Variants in LYST observed in about 807,000 individuals in gnomAD.
LYST encodes lysosomal-trafficking regulator.
LYST carries 192 observed loss-of-function variants against 413.6 expected under a neutral mutation model. The observed-to-expected ratio is 0.46, with a 90% CI of 0.41 to 0.52. The LOEUF is 0.52. LYST is among the 20% of genes least tolerant of loss of function. The probability of loss-of-function intolerance (pLI) is 0.00; values close to 1 mark genes in which losing one functional copy is unlikely to be tolerated. For synonymous variants in LYST, 1,525 were observed against 1,567.3 expected, an observed-to-expected ratio of 0.97 and a Z score of 0.64; for missense variants, 3,815 against 4,499.9, an observed-to-expected ratio of 0.85 and a Z score of 4.35.
At position 235,733,661 on chromosome 1, in the gene LYST, C is replaced by A; in HGVS notation, c.8643G>T (p.Lys2881Asn). The A allele has an allele frequency of 6.2e-7, 1 of 1,613,650 alleles. No homozygotes were observed. The highest frequency in any genetic ancestry group is 8.5e-7 in the Non-Finnish European group (1 of 1,179,758). The part of the protein sequence containing the change: ...SLFQRLDSKS[K>N]DISKIAADIT... ...TATCTGCAGCTATTTTAGATATATC[C>A]TTTGATTTTGAATCCAGACGCTGAA... The change falls in exon 34 of 53, where the codon AAG (lysine) becomes AAT (asparagine). Residue 2881 changes from lysine (K) to asparagine (N), a missense_variant. Physicochemically the swap from Lys to Asn is moderately conservative, Grantham distance 94. Transcript: ENST00000389793.
chr1:235,706,759 A>G (rs567741137), intron 44 of LYST, among the ~76,000 whole-genome samples: 117 of 152,320 alleles, frequency 7.7e-4, no homozygotes, highest in African/African-American at 2.6e-3. Context: ...TTTATCTTCT[A>G]TTAGAATAAT....
rs1659429325 is a variant in LYST at position 235,676,989 on chromosome 1, T to C, written c.11038+102A>G. The C allele has an allele frequency of 4.9e-6, 4 of 813,594 alleles. No homozygotes were observed. In the African/African-American group the frequency reaches 5.0e-5, roughly 10 times the overall value. The allele number at this position is 813,594 out of a possible 1,614,324, so 50.4% of individuals were successfully genotyped here. A position where few individuals can be genotyped will look rare whatever the true frequency, so the allele number is the denominator to read the frequency against. On this transcript the variant is annotated intron_variant, in intron 50 of 52. Coordinates refer to ENST00000389793, the MANE Select transcript of LYST (RefSeq NM_000081.4). ...ATGCTGTTACCAAAGTATTTAGATC[T>C]GGCAGGGACCTGAGAGAATGGCTCG...
chr1:235,829,387 A>G (rs1010047340), intron 3 of LYST: 1 of 152,200 alleles, frequency 6.6e-6, no homozygotes, highest in Non-Finnish European at 1.5e-5. Context: ...TTATTTAATG[A>G]TGGCCAATTT....
rs773113090 is a variant in LYST at position 235,810,001 on chromosome 1, C to T, written c.817G>A (p.Val273Ile). 6.2e-6 allele frequency: 10 copies of T among 1,613,646 alleles called. No homozygotes were observed. In the African/African-American group the frequency reaches 8.0e-5, roughly 13 times the overall value. ...AAAGGAGAATTATGATTCAAGGTAA[C>T]GTCAAACTTACAAACTTTTTCTAAT... ...SLLEKVCKFDVTLNHNSPLAA... is the reference protein window; with the variant it reads ...SLLEKVCKFDITLNHNSPLAA... Residue 273 changes from valine to isoleucine, a missense_variant, in exon 5 of 53, where the codon GTT becomes ATT. Transcript: ENST00000389793.
chr1:235,724,085 A>T lies in LYST; in HGVS notation c.9258T>A (p.Ala3086=). Residue 3086 remains alanine, a synonymous_variant, in exon 39 of 53, where the codon GCT becomes GCA. Transcript: ENST00000389793. ...TGCCATTTGTTAGAAAGATTTCTAC[A>T]GCATTATCTCTCAATTGCCACCAAC... is the stretch of plus-strand genomic sequence containing the variant. The part of the protein sequence containing the change: ...HKRWWQLRDN[A]VEIFLTNGRT... 2 of 1,613,666 alleles carry T rather than the reference A, an allele frequency of 1.2e-6. No homozygotes were observed. The highest frequency in any genetic ancestry group is 1.7e-6 in the Non-Finnish European group (2 of 1,179,550).
chr1:235,706,371 T>A (rs1040750211), intron 44 of LYST, among the ~76,000 whole-genome samples: 1 of 152,206 alleles, frequency 6.6e-6, no homozygotes, highest in African/African-American at 2.4e-5. Flanking sequence ...CAGAGGAATC[T>A]GAACAAACAG....
chr1:235,852,053 A>G (rs1432915699), intron 1 of LYST, among the ~76,000 whole-genome samples: 1 of 152,174 alleles, frequency 6.6e-6, no homozygotes, highest in African/African-American at 2.4e-5. Flanking sequence ...TTCTTGACAA[A>G]TACTGAACTT....
Position 235,774,933 on chromosome 1 carries a change from C to A in LYST, c.5614G>T (p.Val1872Phe). The change falls in exon 18 of 53, where the codon GTT (valine) becomes TTT (phenylalanine). Residue 1872 changes from valine (V) to phenylalanine (F), a missense_variant. Transcript: ENST00000389793. Reference sequence around the variant, plus strand: ...CATACCTTCAAAATGTAAAACCCAACAATGCATTTTTGTTTGATCAACACC... The same window carrying A: ...CATACCTTCAAAATGTAAAACCCAAAAATGCATTTTTGTTTGATCAACACC... ...HQVLIKQKCIVGFYILKTLLE... is the reference protein window; with the variant it reads ...HQVLIKQKCIFGFYILKTLLE... 6.2e-7 allele frequency: 1 copy of A among 1,609,364 alleles called. No individual in the cohort carries two copies. Among genetic ancestry groups the A allele is most frequent in the Non-Finnish European group, 8.5e-7 (1 of 1,177,882 alleles).
At chr1:235,874,940 C>T (rs557118639) in intron 1 of LYST, among the ~76,000 whole-genome samples, 5 of 152,346 alleles carry the variant, frequency 3.3e-5, no homozygotes, top group Non-Finnish European at 7.3e-5. Flanking sequence ...CAAGCCCAGG[C>T]TCCTCCTCCA....
chr1:235,698,093 T>C (rs1661247193), intron 45 of LYST, among the ~76,000 whole-genome samples: 1 of 152,200 alleles, frequency 6.6e-6, no homozygotes, highest in Admixed American at 6.5e-5. Context: ...TTCTTTTTGT[T>C]CTCCTTATGA....
intron 1 of LYST, among the ~76,000 whole-genome samples, chr1:235,872,852 G>T (rs965715273): frequency 3.3e-4 from 50 of 151,956 alleles, no homozygotes; most frequent in African/African-American, 1.1e-3. Context: ...GGAGGTGGAG[G>T]TTGCAGTAAG....
Position 235,854,036 on chromosome 1 carries a change from C to T in LYST, c.-98+12807G>A, listed in dbSNP as rs1678877884. Among the ~76,000 whole-genome samples, 1 of 152,090 alleles carries T rather than the reference C, an allele frequency of 6.6e-6. No individual in the cohort carries two copies. Among genetic ancestry groups the T allele is most frequent in the Non-Finnish European group, 1.5e-5 (1 of 68,020 alleles). On this transcript the variant is annotated intron_variant, in intron 1 of 52. Coordinates refer to ENST00000389793, the MANE Select transcript of LYST (RefSeq NM_000081.4). This position sits in a 1 kb window ranked among gnomAD's most constrained non-coding sequence, Gnocchi z 4.1. ...GTAAATCATCTCCCCGGCTTTCTATCCCTGTTAGAAGGAATGTGCTAGATG... is the reference window on the plus strand; with the variant it reads ...GTAAATCATCTCCCCGGCTTTCTATTCCTGTTAGAAGGAATGTGCTAGATG...
At chr1:235,788,429 C>T (rs966120543) in intron 13 of LYST, among the ~76,000 whole-genome samples, 1 of 152,078 alleles carries the variant, frequency 6.6e-6, no homozygotes, top group Admixed American at 6.6e-5. Flanking sequence ...CTCAGGTGAT[C>T]TGCCTGCCTT....
At chr1:235,694,321 C>CT (rs903595909) in intron 46 of LYST, among the ~76,000 whole-genome samples, 8 of 152,046 alleles carry the variant, frequency 5.3e-5, no homozygotes, top group Middle Eastern at 3.2e-3. Context: ...AGCCCTCTCT[C>CT]TTTTTTACAA....
intron 31 of LYST, chr1:235,738,950 A>T (rs1316209120): frequency 1.4e-6 from 1 of 730,256 alleles, no homozygotes; most frequent in Non-Finnish European, 2.6e-6. Context: ...AGAACAGTGC[A>T]GATCCACTTT....
Position 235,792,122 on chromosome 1 carries a change from T to C in LYST, c.4120A>G (p.Ile1374Val). ...IFLEKSPCTK[I>V]LLLGILKIIE... ...ATTTTCAGAATACCCAGAAGAAGAA[T>C]TTTCTAGAGAAAAAGAAAAACAAAT... Residue 1374 changes from isoleucine (I) to valine (V), a missense_variant, in exon 12 of 53, where the codon ATT (isoleucine) becomes GTT (valine). By Grantham distance (29) the Ile-to-Val change is conservative. This residue lies in a region of LYST where 1,648 missense variants were observed against 1,810.3 expected (regional missense o/e 0.91). Transcript: ENST00000389793. 1 of 1,596,388 alleles carries C rather than the reference T, an allele frequency of 6.3e-7. No homozygotes were observed. The highest frequency in any genetic ancestry group is 1.1e-5 in the South Asian group (1 of 90,528).
At chr1:235,831,672 T>C (rs1675999234) in intron 2 of LYST, among the ~76,000 whole-genome samples, 1 of 152,200 alleles carries the variant, frequency 6.6e-6, no homozygotes, top group Admixed American at 6.5e-5. Context: ...GTAACTCTCT[T>C]TTAGTATAAC....
At chr1:235,693,507 A>G (rs2103075742) in intron 46 of LYST, 21 bp from the exon 47 acceptor site, 2 of 1,613,902 alleles carry the variant, frequency 1.2e-6, no homozygotes, top group Non-Finnish European at 8.5e-7. Context: ...AGGAGAAAGA[A>G]AAGTATCAGA....
At chr1:235,717,144 C>A (rs1024783540) in intron 40 of LYST, among the ~76,000 whole-genome samples, 2 of 152,164 alleles carry the variant, frequency 1.3e-5, no homozygotes, top group Non-Finnish European at 2.9e-5. Context: ...GTCCCATTTT[C>A]CAGACTCTAC....
Sources: allele counts gnomAD v4.1 joint callset (sites outside exome capture counted in the v4.1 genomes callset), GRCh38; gene constraint gnomAD v4.1.1; regional missense constraint gnomAD v4.1.1; non-coding constraint Gnocchi (gnomAD v3.1); transcripts MANE v1.5; gene names NCBI Gene and HGNC (gene_info 2026-07-23, HGNC 2026-07-21).